CSMD1: variants seen among roughly 807,000 people sequenced by gnomAD.
CSMD1 encodes the protein CUB and sushi domain-containing protein 1.
A neutral mutation model predicts 417.5 loss-of-function variants in CSMD1; 213 were observed. The observed-to-expected ratio is 0.51, with a 90% CI of 0.46 to 0.57. The LOEUF is 0.57. Ranked by LOEUF, CSMD1 falls within the 20% of genes least tolerant of loss-of-function variation. The probability of loss-of-function intolerance (pLI) is 0.00; values close to 1 mark genes in which losing one functional copy is unlikely to be tolerated. For missense variants in CSMD1, 6,923 were observed against 4,529.7 expected (o/e 1.53, Z -15.17); for synonymous variants, 2,862 against 1,736.8 (o/e 1.65, Z -16.11).
intron 3 of CSMD1, among the ~76,000 whole-genome samples, chr8:4,143,160 A>C (rs1032240248): frequency 4.0e-5 from 6 of 151,086 alleles, no homozygotes; most frequent in African/African-American, 1.5e-4. Flanking sequence ...ATGCACTAGC[A>C]AATGTGAGTG....
intron 5 of CSMD1, among the ~76,000 whole-genome samples, chr8:3,854,302 G>C (rs969846817): frequency 6.6e-6 from 1 of 151,650 alleles, no homozygotes; most frequent in Non-Finnish European, 1.5e-5. Context: ...TGAAATTTTA[G>C]TAGTGTGCAC....
At chr8:3,285,449 T>C (rs984403638) in intron 25 of CSMD1, among the ~76,000 whole-genome samples, 1 of 151,934 alleles carries the variant, frequency 6.6e-6, no homozygotes, top group Non-Finnish European at 1.5e-5. Flanking sequence ...TGCAGTGTCA[T>C]GATCTTGGCT....
intron 26 of CSMD1, among the ~76,000 whole-genome samples, chr8:3,253,594 C>G (rs917089246): frequency 3.3e-5 from 5 of 152,108 alleles, no homozygotes; most frequent in Admixed American, 2.6e-4. Flanking sequence ...TTTTAACTTC[C>G]TGTCTCATTG....
At chr8:4,464,268 G>T (rs1380168485) in intron 2 of CSMD1, among the ~76,000 whole-genome samples, 1 of 151,954 alleles carries the variant, frequency 6.6e-6, no homozygotes, top group Admixed American at 6.6e-5. Context: ...GTGATTGTAT[G>T]AAGCACAGGG....
intron 49 of CSMD1, among the ~76,000 whole-genome samples, chr8:3,084,626 T>G (rs1360898314): frequency 6.6e-6 from 1 of 151,354 alleles, no homozygotes; most frequent in South Asian, 2.1e-4. Context: ...ACTACAAAAA[T>G]CACACATTTA....
At chr8:4,390,090 T>C (rs1803740659) in intron 3 of CSMD1, among the ~76,000 whole-genome samples, 1 of 152,240 alleles carries the variant, frequency 6.6e-6, no homozygotes, top group South Asian at 2.1e-4. Flanking sequence ...CTATGCATTC[T>C]CCTAAACATT....
chr8:4,281,986 A>C (rs983619799), intron 3 of CSMD1, among the ~76,000 whole-genome samples: 1 of 152,234 alleles, frequency 6.6e-6, no homozygotes, highest in Non-Finnish European at 1.5e-5. Context: ...AATGCATTCA[A>C]CTATAGCAAG....
chr8:4,653,545 T>C (rs1585398373), intron 1 of CSMD1, among the ~76,000 whole-genome samples: 1 of 152,098 alleles, frequency 6.6e-6, no homozygotes, highest in Non-Finnish European at 1.5e-5. Context: ...CTCAATATCA[T>C]TTCTACTTGT....
intron 1 of CSMD1, among the ~76,000 whole-genome samples, chr8:4,901,027 T>C (rs187551030): frequency 1.3e-5 from 2 of 152,210 alleles, no homozygotes; most frequent in Non-Finnish European, 2.9e-5. Context: ...AATGCCGATG[T>C]TCAACAAATT....
chr8:4,489,528 T>A (rs571053860), intron 2 of CSMD1, among the ~76,000 whole-genome samples: 1 of 152,184 alleles, frequency 6.6e-6, no homozygotes, highest in Non-Finnish European at 1.5e-5. Context: ...AGAATTACTC[T>A]CAATGATTGT....
At chr8:3,645,172 C>G (rs75086528) in intron 7 of CSMD1, among the ~76,000 whole-genome samples, 1,957 of 152,168 alleles carry the variant, frequency 0.013, 32 homozygotes, top group South Asian at 0.049. Flanking sequence ...CCATTTCACT[C>G]CCTTACTTCA....
chr8:3,466,148 C>T (rs1816780257), intron 12 of CSMD1, among the ~76,000 whole-genome samples: 1 of 151,834 alleles, frequency 6.6e-6, no homozygotes. Context: ...ATGAGCCTTA[C>T]ATGTTTTACT....
chr8:3,491,051 T>C (rs1157867164), intron 11 of CSMD1, among the ~76,000 whole-genome samples: 1 of 152,112 alleles, frequency 6.6e-6, no homozygotes, highest in African/African-American at 2.4e-5. Flanking sequence ...TCAATGGAAA[T>C]GTTCCTGAAG....
intron 1 of CSMD1, among the ~76,000 whole-genome samples, chr8:4,896,813 CAGGG>C (rs779733400): frequency 1.7e-4 from 26 of 151,918 alleles, no homozygotes; most frequent in Non-Finnish European, 3.2e-4. Flanking sequence ...GGGGGAAGTG[CAGGG>C]CTATCCAGTG....
At position 4,144,241 on chromosome 8, in the gene CSMD1, G is replaced by T. The variant is rs139682980; in HGVS notation, c.416-112142C>A. On this transcript the variant is annotated intron_variant, in intron 3 of 69. Coordinates refer to ENST00000635120, the MANE Select transcript of CSMD1 (RefSeq NM_033225.6). Reference sequence around the variant, plus strand: ...TTCCTTGATTCAGCACAAACTGGCCGTAAGTTCCCTGCCTCAAGACCTTAT... The same window carrying T: ...TTCCTTGATTCAGCACAAACTGGCCTTAAGTTCCCTGCCTCAAGACCTTAT... Among the ~76,000 whole-genome samples, 64 of 150,992 alleles carry T rather than the reference G, an allele frequency of 4.2e-4. 3 individuals are homozygous for T. Among genetic ancestry groups the T allele is most frequent in the Middle Eastern group, 3.4e-3 (1 of 290 alleles).
intron 2 of CSMD1, among the ~76,000 whole-genome samples, chr8:4,631,393 GGTTT>G (rs994494607): frequency 6.2e-5 from 9 of 145,674 alleles, no homozygotes; most frequent in African/African-American, 2.2e-4. Flanking sequence ...ATGATACCTT[GGTTT>G]GTTTTTTTTT....
intron 3 of CSMD1, among the ~76,000 whole-genome samples, chr8:4,134,747 G>A (rs1387588667): frequency 2.0e-5 from 3 of 152,120 alleles, no homozygotes; most frequent in East Asian, 3.9e-4. Context: ...TGACATTCAT[G>A]TCTCCAATAT....
At chr8:4,119,608 A>T (rs553066100) in intron 3 of CSMD1, among the ~76,000 whole-genome samples, 2 of 152,002 alleles carry the variant, frequency 1.3e-5, no homozygotes, top group South Asian at 2.1e-4. Flanking sequence ...GGAGGAGACC[A>T]GGACTTCTGC....
At chr8:3,126,243 G>A (rs192477855) in intron 41 of CSMD1, among the ~76,000 whole-genome samples, 2 of 152,312 alleles carry the variant, frequency 1.3e-5, no homozygotes, top group African/African-American at 4.8e-5. Context: ...ATGAATCAGT[G>A]TTGGCATATA....
Sources: allele counts gnomAD v4.1 joint callset (sites outside exome capture counted in the v4.1 genomes callset), GRCh38; gene constraint gnomAD v4.1.1; transcripts MANE v1.5; gene names NCBI Gene and HGNC (gene_info 2026-07-23, HGNC 2026-07-21).